Variants in TC2N observed in about 807,000 individuals in gnomAD.
The protein encoded by TC2N is tandem C2 domains nuclear protein.
TC2N carries 51 observed loss-of-function variants against 61.9 expected under a neutral mutation model. That is an observed-to-expected ratio of 0.82 (90% CI 0.66 to 1.04). The LOEUF (loss-of-function observed/expected upper bound fraction) is 1.04, where lower values mean the gene tolerates loss of function less well. TC2N is among the 50% of genes least tolerant of loss of function. The probability of loss-of-function intolerance (pLI) is 0.00; values close to 1 mark genes in which losing one functional copy is unlikely to be tolerated. For missense variants in TC2N, 556 were observed against 566.7 expected (o/e 0.98, Z 0.19); for synonymous variants, 204 against 192.6 (o/e 1.06, Z -0.49).
intron 1 of TC2N, chr14:91,836,577 A>AGGCGAGGAAAGGCGGGGAGG (rs1888020018): frequency 1.2e-5 from 1 of 80,738 alleles, no homozygotes; most frequent in African/African-American, 3.9e-5. Flanking sequence ...CTAAGGGGCG[A>AGGCGAGGAAAGGCGGGGAGG]GGCGAGGCAA....
At chr14:91,807,287 T>C (rs1886554390) in intron 3 of TC2N, among the ~76,000 whole-genome samples, 1 of 152,112 alleles carries the variant, frequency 6.6e-6, no homozygotes, top group African/African-American at 2.4e-5. Flanking sequence ...AGTAGAGCTG[T>C]GAGAAGAAGG....
At chr14:91,854,434 AGGAGGAGGAGGAGATAGGAGAGGG>A (rs1888439369) in intron 1 of TC2N, among the ~76,000 whole-genome samples, 1 of 101,676 alleles carries the variant, frequency 9.8e-6, no homozygotes, top group Admixed American at 1.2e-4. Context: ...GGGGAGGGGA[AGGAGGAGGAGGAGATAGGAGAGGG>A]GGAGGGGAAG....
rs371358362 is a variant in TC2N, at chr14:91,786,112, C to A, written c.1163-751G>T. ...GTGAGAACTCCCAGAAAGGTGGGAGCCACAGTGAGGGCTGAGATCCGACCG... is the reference window on the plus strand; with the variant it reads ...GTGAGAACTCCCAGAAAGGTGGGAGACACAGTGAGGGCTGAGATCCGACCG... On this transcript the variant is annotated intron_variant, in intron 10 of 11. Transcript: ENST00000435962. Among the ~76,000 whole-genome samples, 4 of 152,118 alleles carry A rather than the reference C, an allele frequency of 2.6e-5. No homozygotes were observed. The East Asian group carries it at 5.8e-4, about 22-fold the overall frequency.
At chr14:91,858,781 C>A (rs897374122) in intron 1 of TC2N, among the ~76,000 whole-genome samples, 5 of 152,102 alleles carry the variant, frequency 3.3e-5, no homozygotes, top group Non-Finnish European at 7.4e-5. Context: ...TGGACTGACC[C>A]CCTGCGAGTG....
chr14:91,787,285 A>C (rs1885411355), intron 10 of TC2N, among the ~76,000 whole-genome samples: 1 of 152,174 alleles, frequency 6.6e-6, no homozygotes, highest in Non-Finnish European at 1.5e-5. Flanking sequence ...TAAATAAAAA[A>C]CAGTATCAAA....
At chr14:91,803,035 A>G (rs534252913) in intron 3 of TC2N, among the ~76,000 whole-genome samples, 1 of 152,324 alleles carries the variant, frequency 6.6e-6, no homozygotes, top group African/African-American at 2.4e-5. Context: ...GGTAAGTGAT[A>G]GAAAAAGAGA....
intron 1 of TC2N, among the ~76,000 whole-genome samples, chr14:91,820,730 T>A (rs1887209385): frequency 1.3e-5 from 2 of 151,580 alleles, no homozygotes; most frequent in Non-Finnish European, 3.0e-5. Flanking sequence ...AGAAATTCAC[T>A]AACAAACTTA....
rs1314674341 is a variant in TC2N at position 91,780,439 on chromosome 14, T to G, written c.*2661A>C. ...ACTAGTTTCTTCTTAACAGTCTTGG[T>G]AAGAGATGAAACTGATATACTTCAG... On this transcript the variant is annotated 3_prime_UTR_variant, in exon 12 of 12. Coordinates refer to ENST00000435962, the MANE Select transcript of TC2N (RefSeq NM_001128596.3). 1 of 152,212 alleles carries G rather than the reference T, an allele frequency of 6.6e-6. No individual in the cohort carries two copies. The highest frequency in any genetic ancestry group is 1.5e-5 in the Non-Finnish European group (1 of 68,032). The allele number at this position is 152,212 out of a possible 1,614,324, so 9.4% of individuals were successfully genotyped here.
At chr14:91,798,605 G>T (rs1055441535) in intron 6 of TC2N, among the ~76,000 whole-genome samples, 4 of 151,932 alleles carry the variant, frequency 2.6e-5, no homozygotes, top group South Asian at 2.1e-4. Context: ...AGGTCTCATG[G>T]TTTTAAAAAC....
chr14:91,810,292 C>A (rs1886706126), intron 3 of TC2N, among the ~76,000 whole-genome samples: 2 of 152,006 alleles, frequency 1.3e-5, no homozygotes, highest in Admixed American at 1.3e-4. Flanking sequence ...GGCCCCACCT[C>A]CAACATTGGG....
chr14:91,812,579 G>T, intron 2 of TC2N, 34 bp from the exon 3 acceptor site: 1 of 1,062,710 alleles, frequency 9.4e-7, no homozygotes, highest in Non-Finnish European at 1.4e-6. Flanking sequence ...TCACAAATAT[G>T]AATATAGGTT....
intron 1 of TC2N, among the ~76,000 whole-genome samples, chr14:91,851,304 C>A (rs947396964): frequency 2.0e-5 from 3 of 152,168 alleles, no homozygotes; most frequent in African/African-American, 7.2e-5. Context: ...TTAACACTGG[C>A]AACTTACGTT....
chr14:91,780,775 A>T lies in TC2N; in HGVS notation c.*2325T>A, dbSNP rs1885069527. 1 of 152,144 alleles carries T rather than the reference A, an allele frequency of 6.6e-6. No homozygotes were observed. Among genetic ancestry groups the T allele is most frequent in the Non-Finnish European group, 1.5e-5 (1 of 68,010 alleles). 9.4% of individuals were successfully genotyped at this position (152,144 alleles called of 1,614,324 possible). ...TCTCATTTTTTACTACCAGCTCCTA[A>T]CGTTTTTCTCACAATATGCATACCT... On this transcript the variant is annotated 3_prime_UTR_variant, in exon 12 of 12. Coordinates refer to ENST00000435962, the MANE Select transcript of TC2N (RefSeq NM_001128596.3).
chr14:91,793,974 T>C (rs1885783047), intron 8 of TC2N, among the ~76,000 whole-genome samples: 1 of 152,168 alleles, frequency 6.6e-6, no homozygotes. Context: ...GGAAAAATTA[T>C]TGAAGGAAAT....
chr14:91,859,616 A>C (rs1888551643), intron 1 of TC2N, among the ~76,000 whole-genome samples: 1 of 152,208 alleles, frequency 6.6e-6, no homozygotes, highest in Non-Finnish European at 1.5e-5. Context: ...TTGCATTTAG[A>C]ACCCCAGGTG....
chr14:91,781,046 T>C lies in TC2N; in HGVS notation c.*2054A>G, dbSNP rs541194059. 2.6e-5 allele frequency: 4 copies of C among 152,218 alleles called. No homozygotes were observed. The highest frequency in any genetic ancestry group is 9.6e-5 in the African/African-American group (4 of 41,538). 9.4% of individuals were successfully genotyped at this position (152,218 alleles called of 1,614,324 possible). A position where few individuals can be genotyped will look rare whatever the true frequency, so the allele number is the denominator to read the frequency against. ...TAGCTTTCCCTTAAATTATACATCA[T>C]ACATACATTGTAAGAATATAGAAAA... On this transcript the variant is annotated 3_prime_UTR_variant, in exon 12 of 12. Transcript: ENST00000435962.
intron 1 of TC2N, among the ~76,000 whole-genome samples, chr14:91,854,570 G>A (rs1377459034): frequency 1.3e-5 from 2 of 152,208 alleles, no homozygotes; most frequent in East Asian, 3.9e-4. Flanking sequence ...ATTTGAAGAT[G>A]CAAAAGACCA....
intron 1 of TC2N, among the ~76,000 whole-genome samples, chr14:91,864,399 A>G (rs1268228865): frequency 6.6e-6 from 1 of 152,154 alleles, no homozygotes; most frequent in Non-Finnish European, 1.5e-5. Flanking sequence ...GTAAGTTTTC[A>G]GATCAGGGGA....
intron 9 of TC2N, among the ~76,000 whole-genome samples, chr14:91,790,329 T>C (rs1183833542): frequency 6.6e-6 from 1 of 152,204 alleles, no homozygotes; most frequent in Non-Finnish European, 1.5e-5. Flanking sequence ...GTTGTCAGTG[T>C]GGATGGGAAA....
Sources: gnomAD v4.1 joint callset for allele counts (sites outside exome capture counted in the v4.1 genomes callset) on GRCh38, gnomAD v4.1.1 for gene constraint, MANE v1.5 for transcripts, NCBI Gene and HGNC (gene_info 2026-07-23, HGNC 2026-07-21) for gene names.